The following TMCC1 variants were observed in gnomAD, a reference collection of about 807,000 sequenced individuals.
The protein encoded by TMCC1 is transmembrane and coiled-coil domain family 1.
A neutral mutation model predicts 52.4 loss-of-function variants in TMCC1; 15 were observed. The observed-to-expected ratio is 0.29, with a 90% CI of 0.19 to 0.44. The LOEUF is 0.44. Among genes scored for constraint, TMCC1 ranks in the 20% least tolerant of loss-of-function variants. TMCC1 has a pLI of 1.00. For missense variants in TMCC1, 503 were observed against 806.0 expected (o/e 0.62, Z 4.55); for synonymous variants, 279 against 301.9 (o/e 0.92, Z 0.79).
chr3:129,674,266 G>T (rs190486333), intron 4 of TMCC1, among the ~76,000 whole-genome samples: 5 of 152,086 alleles, frequency 3.3e-5, no homozygotes, highest in African/African-American at 1.2e-4. Context: ...TCTGACTTCC[G>T]TCCTACTTGG....
At chr3:129,699,390 C>T (rs997729384) in intron 4 of TMCC1, among the ~76,000 whole-genome samples, 14 of 152,184 alleles carry the variant, frequency 9.2e-5, no homozygotes, top group Non-Finnish European at 1.0e-4. Flanking sequence ...GCCATGGCAA[C>T]GTCCAGAAGT....
At chr3:129,784,520 C>G (rs936598501) in intron 4 of TMCC1, among the ~76,000 whole-genome samples, 1 of 151,132 alleles carries the variant, frequency 6.6e-6, no homozygotes, top group African/African-American at 2.4e-5. Flanking sequence ...GAGCCAAGAT[C>G]GCGCCACTGC....
At chr3:129,782,698 G>C (rs55862010) in intron 4 of TMCC1, among the ~76,000 whole-genome samples, 2,370 of 152,248 alleles carry the variant, frequency 0.016, 49 homozygotes, top group African/African-American at 0.055. Context: ...AGAGAGAGGG[G>C]CATCTCCTGG....
chr3:129,866,258 T>C (rs570050470), intron 2 of TMCC1, among the ~76,000 whole-genome samples: 79 of 142,692 alleles, frequency 5.5e-4, no homozygotes, highest in African/African-American at 2.0e-3. Flanking sequence ...ATATAATATA[T>C]ATTATACATA....
At chr3:129,806,656 AG>A (rs2057483265) in intron 4 of TMCC1, among the ~76,000 whole-genome samples, 1 of 152,232 alleles carries the variant, frequency 6.6e-6, no homozygotes, top group African/African-American at 2.4e-5. Context: ...TAAAACACTT[AG>A]TGGAGAAGAA....
At chr3:129,790,439 G>A (rs1418294511) in intron 4 of TMCC1, among the ~76,000 whole-genome samples, 2 of 152,146 alleles carry the variant, frequency 1.3e-5, no homozygotes, top group African/African-American at 2.4e-5. Flanking sequence ...GCCAGAAGCT[G>A]AGATTTCAGT....
Position 129,699,913 on chromosome 3 carries a change from C to T in TMCC1, c.577-28649G>A, listed in dbSNP as rs1576492996. On this transcript the variant is annotated intron_variant, in intron 4 of 6. Coordinates refer to ENST00000393238, the MANE Select transcript of TMCC1 (RefSeq NM_001017395.5). ...CCTGGGAGACAGAGTGAAATCCTGT[C>T]CCTAAAACAAATAAATGAAACAAAA... 2.0e-5 allele frequency among the ~76,000 whole-genome samples: 3 copies of T among 152,196 alleles called. No homozygotes were observed. The South Asian group carries it at 6.2e-4, about 32-fold the overall frequency.
intron 4 of TMCC1, among the ~76,000 whole-genome samples, chr3:129,797,099 G>A (rs1310765624): frequency 1.3e-5 from 2 of 152,200 alleles, no homozygotes; most frequent in Non-Finnish European, 2.9e-5. Flanking sequence ...GCTGAGGCAG[G>A]TGGATCACGA....
chr3:129,765,169 A>G lies in TMCC1; in HGVS notation c.576+62634T>C, dbSNP rs1380022812. Among the ~76,000 whole-genome samples, 7 of 151,476 alleles carry G rather than the reference A, an allele frequency of 4.6e-5. No homozygotes were observed. The East Asian group carries it at 1.3e-3, about 29-fold the overall frequency. ...AAACCCCAAAAGTCACCTGCCCCAT[A>G]CTTAAAAACAGAGAAATTTTCAGAG... On this transcript the variant is annotated intron_variant, in intron 4 of 6. Coordinates refer to ENST00000393238, the MANE Select transcript of TMCC1 (RefSeq NM_001017395.5).
At chr3:129,665,328 C>T (rs1199177695) in intron 5 of TMCC1, among the ~76,000 whole-genome samples, 1 of 152,134 alleles carries the variant, frequency 6.6e-6, no homozygotes, top group Non-Finnish European at 1.5e-5. Flanking sequence ...TCTGATTATT[C>T]CAGAGTTAGG....
intron 4 of TMCC1, among the ~76,000 whole-genome samples, chr3:129,803,488 A>G (rs1410208257): frequency 2.6e-5 from 4 of 152,238 alleles, no homozygotes; most frequent in African/African-American, 9.6e-5. Context: ...TATGGTTCAG[A>G]TGGTACATTT....
intron 4 of TMCC1, among the ~76,000 whole-genome samples, chr3:129,746,036 C>T (rs912946797): frequency 4.0e-5 from 6 of 149,308 alleles, no homozygotes; most frequent in Admixed American, 6.6e-5. Context: ...GGATTACAGA[C>T]ATGAGCCACT....
intron 4 of TMCC1, among the ~76,000 whole-genome samples, chr3:129,817,654 T>C (rs1457245204): frequency 6.6e-6 from 1 of 152,104 alleles, no homozygotes; most frequent in Admixed American, 6.6e-5. Context: ...TGGGAATTTT[T>C]TTTTTCTTTT....
intron 4 of TMCC1, among the ~76,000 whole-genome samples, chr3:129,792,535 G>A (rs1319400016): frequency 6.6e-6 from 1 of 152,222 alleles, no homozygotes; most frequent in Admixed American, 6.5e-5. Flanking sequence ...ATTTTTAGTA[G>A]AGATGAGGTT....
rs1400949624 is a variant in TMCC1, at chr3:129,828,851, G to A, written c.-130-343C>T. Among the ~76,000 whole-genome samples the A allele has an allele frequency of 6.6e-6, 1 of 152,228 alleles. No homozygotes were observed. The highest frequency in any genetic ancestry group is 1.5e-5 in the Non-Finnish European group (1 of 68,034). ...AATGGTAGTTGACAGAACAGCCATT[G>A]CTTGGGAAATCAAGAGAAGAGACCA... On this transcript the variant is annotated intron_variant, in intron 3 of 6. Coordinates refer to ENST00000393238, the MANE Select transcript of TMCC1 (RefSeq NM_001017395.5). This position sits in a 1 kb window ranked among gnomAD's most constrained non-coding sequence, Gnocchi z 4.1.
chr3:129,780,124 T>C (rs2055402095), intron 4 of TMCC1, among the ~76,000 whole-genome samples: 1 of 152,114 alleles, frequency 6.6e-6, no homozygotes, highest in African/African-American at 2.4e-5. Context: ...CTAACGTCCA[T>C]CCTACTAAAC....
intron 2 of TMCC1, among the ~76,000 whole-genome samples, chr3:129,850,816 C>A (rs1311279524): frequency 6.6e-6 from 1 of 152,162 alleles, no homozygotes; most frequent in Non-Finnish European, 1.5e-5. Context: ...TAAAAGTATC[C>A]CTTATGGGAA....
intron 4 of TMCC1, among the ~76,000 whole-genome samples, chr3:129,728,007 T>G (rs1251786861): frequency 6.6e-6 from 1 of 152,188 alleles, no homozygotes; most frequent in Non-Finnish European, 1.5e-5. Context: ...AGCATGTGAG[T>G]GAGGCTATTT....
intron 2 of TMCC1, among the ~76,000 whole-genome samples, chr3:129,875,655 C>T (rs1331389649): frequency 6.6e-6 from 1 of 152,090 alleles, no homozygotes; most frequent in Non-Finnish European, 1.5e-5. Flanking sequence ...ATCTCCAACA[C>T]CTACAACAGG....
Sources: allele counts gnomAD v4.1 joint callset (sites outside exome capture counted in the v4.1 genomes callset), GRCh38; gene constraint gnomAD v4.1.1; non-coding constraint Gnocchi (gnomAD v3.1); transcripts MANE v1.5; gene names NCBI Gene and HGNC (gene_info 2026-07-23, HGNC 2026-07-21).